The following ANK2 variants were observed in gnomAD, a reference collection of about 807,000 sequenced individuals.
ANK2 encodes the protein ankyrin 2.
In ANK2, 83 loss-of-function variants were observed where a neutral mutation model predicts 360.5. The ratio of observed to expected loss-of-function variants is 0.23; its 90% CI spans 0.19 to 0.28. The LOEUF (loss-of-function observed/expected upper bound fraction) is 0.28, where lower values mean the gene tolerates loss of function less well. Among genes scored for constraint, ANK2 ranks in the 10% least tolerant of loss-of-function variants. The probability of loss-of-function intolerance (pLI) is 1.00; values close to 1 mark genes in which losing one functional copy is unlikely to be tolerated. For synonymous variants in ANK2, 1,740 were observed against 1,759.5 expected (o/e 0.99, Z 0.28); for missense variants, 4,201 against 4,795.7 (o/e 0.88, Z 3.66).
intron 14 of ANK2, among the ~76,000 whole-genome samples, chr4:113,272,927 G>T (rs907028376): frequency 2.0e-5 from 3 of 151,934 alleles, no homozygotes; most frequent in Admixed American, 6.5e-5. Context: ...ATTGTTGTTT[G>T]TTTTGCTAAC....
the ANK2 span, among the ~76,000 whole-genome samples, chr4:112,743,201 A>G: frequency 1.3e-5 from 2 of 152,216 alleles, no homozygotes; most frequent in East Asian, 3.8e-4. Context: ...GGACAGAAAC[A>G]TGAAAGTGCG....
chr4:113,255,730 T>G lies in ANK2; in HGVS notation c.991-5T>G. On this transcript the variant is annotated splice_region_variant and splice_polypyrimidine_tract_variant and intron_variant, in intron 10 of 45. Transcript: ENST00000357077. ...GACATTATTTTGTTTTCTTTTAATG[T>G]GCAGAATGGGCTGTCTCCACTACAC... is the stretch of plus-strand genomic sequence containing the variant. 6.2e-7 allele frequency: 1 copy of G among 1,614,102 alleles called. No individual in the cohort carries two copies. The highest frequency in any genetic ancestry group is 1.1e-5 in the South Asian group (1 of 91,074).
the ANK2 span, among the ~76,000 whole-genome samples, chr4:112,759,021 CAAACCT>C: frequency 2.0e-3 from 307 of 152,218 alleles, 1 homozygote; most frequent in Admixed American, 3.7e-3. Context: ...ACTTGAAATG[CAAACCT>C]AAATATATTT....
intron 2 of ANK2, among the ~76,000 whole-genome samples, chr4:112,955,052 G>A (rs1006799340): frequency 2.0e-5 from 3 of 151,930 alleles, no homozygotes; most frequent in Non-Finnish European, 4.4e-5. Flanking sequence ...TTAACAAGAG[G>A]CAATAAAATG....
chr4:113,375,440 G>C (rs368757905), intron 45 of ANK2, among the ~76,000 whole-genome samples: 1 of 150,310 alleles, frequency 6.7e-6, no homozygotes, highest in Non-Finnish European at 1.5e-5. Context: ...ATGGGTCCAC[G>C]GTTGGCCAGG....
intron 34 of ANK2, 126 bp from the exon 35 acceptor site, chr4:113,345,774 G>T: frequency 1.0e-5 from 13 of 1,302,384 alleles, no homozygotes; most frequent in Non-Finnish European, 1.2e-5. Flanking sequence ...AAAGAGAAAG[G>T]AAATCCTTTG....
In ANK2 at chr4:113,353,932, G is replaced by A. The variant is rs199609429; in HGVS notation, c.5314G>A (p.Ala1772Thr). Residue 1772 changes from alanine (A) to threonine (T), a missense_variant, in exon 38 of 46, where the codon GCC (alanine) becomes ACC (threonine). Around this residue, in one of 4 missense-constraint regions of ANK2, gnomAD observed 2,642 missense variants for 2,714.5 expected, o/e 0.97. Transcript: ENST00000357077. ...TGGTTCCATAAAGGACAAAGTAAAG[G>A]CCCTTCAGAAGCGAGTGGAAGATGA... Reference protein sequence around the residue: ...PIGSIKDKVKALQKRVEDEQK... With the variant: ...PIGSIKDKVKTLQKRVEDEQK... The A allele has an allele frequency of 1.2e-5, 20 of 1,613,962 alleles. No individual in the cohort carries two copies. In the Admixed American group the frequency reaches 3.2e-4, roughly 26 times the overall value.
intron 1 of ANK2, among the ~76,000 whole-genome samples, chr4:112,845,231 C>T (rs2063025600): frequency 6.6e-6 from 1 of 151,566 alleles, no homozygotes; most frequent in Admixed American, 6.6e-5. Context: ...CATATATTGC[C>T]TAATTATTAG....
upstream of ANK2, among the ~76,000 whole-genome samples, chr4:113,048,333 C>T (rs1465301018): frequency 9.8e-5 from 11 of 112,766 alleles, no homozygotes; most frequent in African/African-American, 3.4e-4. Context: ...GCTCTGTCAC[C>T]GAGGCTGGAG....
At chr4:113,094,477 G>A (rs2090071338) in intron 1 of ANK2, among the ~76,000 whole-genome samples, 3 of 152,068 alleles carry the variant, frequency 2.0e-5, no homozygotes, top group African/African-American at 2.4e-5. Flanking sequence ...GCACTAAGAG[G>A]ACCAGAAGGA....
chr4:112,874,714 G>A (rs150122454), intron 1 of ANK2, among the ~76,000 whole-genome samples: 13 of 150,190 alleles, frequency 8.7e-5, no homozygotes, highest in Admixed American at 4.6e-4. Flanking sequence ...CTGACCTAAA[G>A]GAATGGTGGG....
chr4:113,289,548 G>A (rs1355550068), intron 20 of ANK2, among the ~76,000 whole-genome samples: 1 of 152,048 alleles, frequency 6.6e-6, no homozygotes, highest in Non-Finnish European at 1.5e-5. Flanking sequence ...ATGGGCTCAA[G>A]TAAATTAGTG....
At chr4:112,902,481 G>A (rs1430348267) in intron 1 of ANK2, among the ~76,000 whole-genome samples, 1 of 152,198 alleles carries the variant, frequency 6.6e-6, no homozygotes, top group Non-Finnish European at 1.5e-5. Context: ...TTGTCTGTAT[G>A]CCTTGGACTT....
At chr4:113,261,755 T>C (rs2053043465) in intron 13 of ANK2, among the ~76,000 whole-genome samples, 1 of 152,176 alleles carries the variant, frequency 6.6e-6, no homozygotes, top group Non-Finnish European at 1.5e-5. Flanking sequence ...AATTAGATTC[T>C]ATATCTAACT....
intron 1 of ANK2, among the ~76,000 whole-genome samples, chr4:112,832,042 C>A (rs1191805743): frequency 1.3e-5 from 2 of 152,132 alleles, no homozygotes; most frequent in African/African-American, 4.8e-5. Context: ...TTGAAGTCAG[C>A]GAGACCAAGA....
At chr4:112,788,193 C>A in the ANK2 span, 1 of 1,587,224 alleles carries the variant, frequency 6.3e-7, no homozygotes. Context: ...CAGATCTCAT[C>A]GTATCTGTCA....
At chr4:113,129,402 T>A (rs2095868743) in intron 1 of ANK2, among the ~76,000 whole-genome samples, 1 of 152,196 alleles carries the variant, frequency 6.6e-6, no homozygotes, top group African/African-American at 2.4e-5. Context: ...AATTGCTTTG[T>A]ATAACTTGGA....
chr4:112,730,692 T>G, the ANK2 span, among the ~76,000 whole-genome samples: 1 of 149,482 alleles, frequency 6.7e-6, no homozygotes, highest in Non-Finnish European at 1.5e-5. Context: ...AAGTAGATTT[T>G]AAGTGTTCTT....
the ANK2 span, among the ~76,000 whole-genome samples, chr4:112,751,607 G>T: frequency 2.6e-5 from 4 of 151,784 alleles, no homozygotes; most frequent in East Asian, 7.7e-4. Flanking sequence ...TTAAGTAGCA[G>T]GGGGGAAGGG....
Sources: allele counts gnomAD v4.1 joint callset (sites outside exome capture counted in the v4.1 genomes callset), GRCh38; gene constraint gnomAD v4.1.1; regional missense constraint gnomAD v4.1.1; transcripts MANE v1.5; gene names NCBI Gene and HGNC (gene_info 2026-07-23, HGNC 2026-07-21).